CNGB3: variants seen among roughly 807,000 people sequenced by gnomAD.
CNGB3 encodes cyclic nucleotide-gated channel beta-3.
In CNGB3, 86 loss-of-function variants were observed where a neutral mutation model predicts 92.8. That is an observed-to-expected ratio of 0.93 (90% CI 0.78 to 1.11). CNGB3 has a LOEUF of 1.11. Ranked by LOEUF, CNGB3 falls within the 50% of genes least tolerant of loss-of-function variation. The pLI is 0.00. For synonymous variants in CNGB3, 333 were observed against 332.7 expected (o/e 1.00, Z -0.01); for missense variants, 1,026 against 956.8 (o/e 1.07, Z -0.95).
chr8:86,654,183 T>C, intron 6 of CNGB3, 121 bp from the exon 7 acceptor site: 1 of 721,004 alleles, frequency 1.4e-6, no homozygotes, highest in Non-Finnish European at 2.5e-6. Context: ...ATAAACATCC[T>C]CCATATTCCC....
intron 3 of CNGB3, among the ~76,000 whole-genome samples, chr8:86,718,904 G>C (rs1447426850): frequency 2.0e-5 from 3 of 151,808 alleles, no homozygotes; most frequent in African/African-American, 7.3e-5. Context: ...ACATAAACGG[G>C]ATTAAAAACA....
At chr8:86,665,548 G>C (rs1823726037) in intron 6 of CNGB3, among the ~76,000 whole-genome samples, 1 of 152,084 alleles carries the variant, frequency 6.6e-6, no homozygotes, top group South Asian at 2.1e-4. Flanking sequence ...ACTGAATAAA[G>C]AGAATGTGGC....
At chr8:86,678,184 C>A (rs1373537900) in intron 3 of CNGB3, among the ~76,000 whole-genome samples, 1 of 152,022 alleles carries the variant, frequency 6.6e-6, no homozygotes, top group Non-Finnish European at 1.5e-5. Context: ...CAGCTGCCCT[C>A]AAAAGTTACA....
At chr8:86,634,831 T>C (rs575583754) in intron 10 of CNGB3, among the ~76,000 whole-genome samples, 3 of 151,572 alleles carry the variant, frequency 2.0e-5, no homozygotes, top group East Asian at 3.9e-4. Flanking sequence ...GATTTTAAGA[T>C]CTTCAAATAG....
At chr8:86,607,439 G>C (rs1275811882) in intron 14 of CNGB3, among the ~76,000 whole-genome samples, 1 of 152,074 alleles carries the variant, frequency 6.6e-6, no homozygotes, top group Non-Finnish European at 1.5e-5. Flanking sequence ...CAAAATTTCA[G>C]GGTTTCTGTG....
intron 10 of CNGB3, among the ~76,000 whole-genome samples, chr8:86,638,287 T>C (rs971352916): frequency 1.3e-5 from 2 of 152,104 alleles, no homozygotes; most frequent in African/African-American, 4.8e-5. Context: ...AGTTGTAAAA[T>C]AAACTGTCAG....
At chr8:86,673,423 G>T (rs1270690935) in intron 3 of CNGB3, among the ~76,000 whole-genome samples, 1 of 152,162 alleles carries the variant, frequency 6.6e-6, no homozygotes, top group East Asian at 1.9e-4. Flanking sequence ...ATGTGTGTGT[G>T]TGTAGGGGGC....
At chr8:86,590,413 T>A (rs1822001757) in intron 15 of CNGB3, among the ~76,000 whole-genome samples, 1 of 152,160 alleles carries the variant, frequency 6.6e-6, no homozygotes, top group Admixed American at 6.5e-5. Context: ...GCTCATTAGT[T>A]GATGCAGTTT....
chr8:86,709,679 TG>T (rs1341589076), intron 3 of CNGB3, among the ~76,000 whole-genome samples: 2 of 152,088 alleles, frequency 1.3e-5, no homozygotes, highest in Non-Finnish European at 2.9e-5. Flanking sequence ...GTCCTGATAC[TG>T]TGGGATGCTG....
chr8:86,664,788 C>T (rs1366626932), intron 6 of CNGB3, among the ~76,000 whole-genome samples: 1 of 152,108 alleles, frequency 6.6e-6, no homozygotes. Context: ...AAAAACAAAA[C>T]ACCAGTGGAG....
At chr8:86,685,580 T>G (rs1287143919) in intron 3 of CNGB3, among the ~76,000 whole-genome samples, 1 of 152,126 alleles carries the variant, frequency 6.6e-6, no homozygotes, top group Non-Finnish European at 1.5e-5. Flanking sequence ...GCTAGCTGTG[T>G]CTATATCACT....
At chr8:86,725,147 G>A (rs1545221) in intron 3 of CNGB3, among the ~76,000 whole-genome samples, 97,568 of 152,022 alleles carry the variant, frequency 0.64, 32,477 homozygotes, top group African/African-American at 0.81. Context: ...ATCAATTGCC[G>A]TGGGTTATTG....
intron 10 of CNGB3, among the ~76,000 whole-genome samples, chr8:86,633,838 T>C (rs951280902): frequency 2.0e-5 from 3 of 152,208 alleles, no homozygotes; most frequent in Non-Finnish European, 2.9e-5. Flanking sequence ...TGAATATCTC[T>C]TCTATTTTTC....
chr8:86,584,200 C>A (rs772581598), intron 15 of CNGB3, among the ~76,000 whole-genome samples: 4 of 152,184 alleles, frequency 2.6e-5, no homozygotes, highest in African/African-American at 7.2e-5. Context: ...ATCTACTCAG[C>A]TTTCTTCTAT....
chr8:86,577,641 A>T (rs867646103), intron 17 of CNGB3, among the ~76,000 whole-genome samples: 8 of 152,312 alleles, frequency 5.3e-5, no homozygotes, highest in Non-Finnish European at 4.4e-5. Context: ...TACACTATTT[A>T]ATTTGATCAA....
intron 15 of CNGB3, chr8:86,594,140 G>C: frequency 3.4e-6 from 1 of 292,198 alleles, no homozygotes; most frequent in Non-Finnish European, 6.8e-6. Flanking sequence ...GGAGGTCTGG[G>C]GACAGCATCC....
chr8:86,579,070 C>T, intron 16 of CNGB3, 36 bp downstream of exon 16: 1 of 1,613,858 alleles, frequency 6.2e-7, no homozygotes. Flanking sequence ...GTAAAACCAA[C>T]TCCATCCATC....
At chr8:86,661,833 G>A in intron 6 of CNGB3, 1 of 1,460,428 alleles carries the variant, frequency 6.8e-7, no homozygotes, top group Non-Finnish European at 9.6e-7. Context: ...GTTGTTCTCA[G>A]TATCTTCTGG....
At chr8:86,719,701 C>T (rs192297778) in intron 3 of CNGB3, among the ~76,000 whole-genome samples, 19 of 152,136 alleles carry the variant, frequency 1.2e-4, no homozygotes, top group African/African-American at 3.9e-4. Flanking sequence ...CAAGGCTAAA[C>T]AAAAGAAACA....
Sources: allele counts gnomAD v4.1 joint callset (sites outside exome capture counted in the v4.1 genomes callset), GRCh38; gene constraint gnomAD v4.1.1; transcripts MANE v1.5; gene names NCBI Gene and HGNC (gene_info 2026-07-23, HGNC 2026-07-21).